The following PTPRT variants were observed in gnomAD, a reference collection of about 807,000 sequenced individuals.
PTPRT encodes receptor-type tyrosine-protein phosphatase T.
Under a neutral mutation model 176.8 loss-of-function variants are expected in PTPRT, and 56 were observed. The observed-to-expected ratio is 0.32, with a 90% CI of 0.26 to 0.40. PTPRT has a LOEUF of 0.40. Ranked by LOEUF, PTPRT falls within the 10% of genes least tolerant of loss-of-function variation. The probability of loss-of-function intolerance (pLI) is 1.00; values close to 1 mark genes in which losing one functional copy is unlikely to be tolerated. For missense variants in PTPRT, 1,540 were observed against 1,908.2 expected (o/e 0.81, Z 3.60); for synonymous variants, 783 against 739.0 (o/e 1.06, Z -0.96).
At chr20:42,356,428 C>T (rs1282460081) in intron 9 of PTPRT, among the ~76,000 whole-genome samples, 1 of 152,156 alleles carries the variant, frequency 6.6e-6, no homozygotes, top group Non-Finnish European at 1.5e-5. Context: ...AGCACAGTGG[C>T]TCGCACCTGT....
rs567879524 is a variant in PTPRT, at chr20:42,897,200, A to T, written c.89-11268T>A. Among the ~76,000 whole-genome samples the T allele has an allele frequency of 1.1e-4, 17 of 152,328 alleles. No individual in the cohort carries two copies. In the South Asian group the frequency reaches 1.7e-3, roughly 15 times the overall value. ...ACAAACAATACTCCTAATATAAAAAAAAGTTTTAAAGCTCTTTGAGCAGTG... is the reference window on the plus strand; with the variant it reads ...ACAAACAATACTCCTAATATAAAAATAAGTTTTAAAGCTCTTTGAGCAGTG... On this transcript the variant is annotated intron_variant, in intron 1 of 30. Transcript: ENST00000373187.
intron 9 of PTPRT, among the ~76,000 whole-genome samples, chr20:42,376,111 C>G (rs1398120761): frequency 6.6e-6 from 1 of 152,144 alleles, no homozygotes; most frequent in Non-Finnish European, 1.5e-5. Flanking sequence ...ATTGCATCCC[C>G]AATTACGTGA....
At chr20:42,034,545 T>C in the PTPRT span, among the ~76,000 whole-genome samples, 1 of 152,174 alleles carries the variant, frequency 6.6e-6, no homozygotes, top group African/African-American at 2.4e-5. Flanking sequence ...GGCCAGAGGC[T>C]GTGGACCTCA....
At chr20:42,852,760 T>C (rs1333808633) in intron 2 of PTPRT, among the ~76,000 whole-genome samples, 1 of 152,158 alleles carries the variant, frequency 6.6e-6, no homozygotes, top group African/African-American at 2.4e-5. Flanking sequence ...TGCCTTCTAG[T>C]TAGTGAGGCT....
intron 5 of PTPRT, among the ~76,000 whole-genome samples, chr20:42,763,698 C>T (rs550733956): frequency 1.3e-5 from 2 of 152,298 alleles, no homozygotes; most frequent in South Asian, 4.1e-4. Context: ...CTTAAGATCA[C>T]ATTTGTACCT....
intron 9 of PTPRT, among the ~76,000 whole-genome samples, chr20:42,405,611 G>A (rs2058954049): frequency 6.6e-6 from 1 of 152,162 alleles, no homozygotes; most frequent in Admixed American, 6.6e-5. Context: ...ATCTGGGTTG[G>A]TTCCAAGTCT....
chr20:42,184,631 TTC>T (rs542266045), intron 16 of PTPRT, among the ~76,000 whole-genome samples: 24 of 142,826 alleles, frequency 1.7e-4, no homozygotes, highest in South Asian at 2.3e-4. Context: ...CTTCTTCTCC[TTC>T]TCTCTCTCTC....
intron 1 of PTPRT, among the ~76,000 whole-genome samples, chr20:42,908,458 A>G (rs2079506474): frequency 6.6e-6 from 1 of 152,192 alleles, no homozygotes; most frequent in South Asian, 2.1e-4. Context: ...CCAGAAAAAT[A>G]ATATTTTTAT....
intron 7 of PTPRT, among the ~76,000 whole-genome samples, chr20:42,528,865 G>A (rs370781754): frequency 9.9e-5 from 15 of 152,032 alleles, no homozygotes; most frequent in Admixed American, 1.3e-4. Flanking sequence ...GGATTTTTCC[G>A]GGATAGTTTC....
chr20:43,069,485 G>A (rs1028451195), intron 1 of PTPRT, among the ~76,000 whole-genome samples: 1 of 152,014 alleles, frequency 6.6e-6, no homozygotes, highest in African/African-American at 2.4e-5. Flanking sequence ...ACCTTAAGTG[G>A]GAATCCAAAA....
chr20:42,251,964 G>C (rs2056557910), intron 13 of PTPRT, among the ~76,000 whole-genome samples: 1 of 152,190 alleles, frequency 6.6e-6, no homozygotes, highest in Non-Finnish European at 1.5e-5. Flanking sequence ...AACCAAAGTG[G>C]ATTGGTGAAA....
chr20:42,447,933 A>G (rs1172407179), intron 9 of PTPRT, among the ~76,000 whole-genome samples: 1 of 152,210 alleles, frequency 6.6e-6, no homozygotes, highest in Non-Finnish European at 1.5e-5. Flanking sequence ...TCTCTTCCAC[A>G]TAAGAACAAT....
chr20:42,731,514 C>A (rs1374313416), intron 6 of PTPRT, among the ~76,000 whole-genome samples: 1 of 152,204 alleles, frequency 6.6e-6, no homozygotes, highest in Non-Finnish European at 1.5e-5. Flanking sequence ...CTAAATAAGT[C>A]AGGCTAGAGA....
intron 12 of PTPRT, among the ~76,000 whole-genome samples, chr20:42,313,420 G>A (rs911050322): frequency 5.9e-5 from 9 of 151,944 alleles, no homozygotes; most frequent in Admixed American, 5.2e-4. Flanking sequence ...GTCTGGATCA[G>A]GACCCCTTTC....
chr20:42,201,948 T>TGC (rs1205074853), intron 15 of PTPRT, among the ~76,000 whole-genome samples: 32 of 137,196 alleles, frequency 2.3e-4, no homozygotes, highest in African/African-American at 9.1e-4. Context: ...AGAGAAAAGT[T>TGC]GCGTGTGTGT....
chr20:42,771,174 C>T (rs1245952643), intron 5 of PTPRT, among the ~76,000 whole-genome samples: 1 of 152,164 alleles, frequency 6.6e-6, no homozygotes, highest in Non-Finnish European at 1.5e-5. Flanking sequence ...AGTCCCAGGC[C>T]TAACCATCTG....
At chr20:42,843,676 A>G (rs2078318378) in intron 2 of PTPRT, among the ~76,000 whole-genome samples, 1 of 152,230 alleles carries the variant, frequency 6.6e-6, no homozygotes, top group African/African-American at 2.4e-5. Context: ...TACAAAGAAC[A>G]GGGGCCATGC....
intron 1 of PTPRT, among the ~76,000 whole-genome samples, chr20:42,890,338 C>A (rs1023516805): frequency 2.6e-5 from 4 of 152,128 alleles, no homozygotes; most frequent in Admixed American, 2.6e-4. Flanking sequence ...GCTATGAACT[C>A]AAGACTACAT....
chr20:42,240,245 T>C (rs1011601582), intron 14 of PTPRT, among the ~76,000 whole-genome samples: 6 of 152,204 alleles, frequency 3.9e-5, no homozygotes, highest in Non-Finnish European at 8.8e-5. Context: ...TAATTGAATC[T>C]CTTTTCCCAA....
Sources: gnomAD v4.1 joint callset for allele counts (sites outside exome capture counted in the v4.1 genomes callset) on GRCh38, gnomAD v4.1.1 for gene constraint, MANE v1.5 for transcripts, NCBI Gene and HGNC (gene_info 2026-07-23, HGNC 2026-07-21) for gene names.